CAMK1D: variants seen among roughly 807,000 people sequenced by gnomAD.
CAMK1D encodes calcium/calmodulin-dependent protein kinase type 1D.
CAMK1D carries 9 observed loss-of-function variants against 47.7 expected under a neutral mutation model. The ratio of observed to expected loss-of-function variants is 0.19; its 90% confidence interval spans 0.11 to 0.33. CAMK1D has a LOEUF of 0.33. Ranked by LOEUF, CAMK1D falls within the 10% of genes least tolerant of loss-of-function variation. The pLI is 1.00. For missense variants in CAMK1D, 291 were observed against 488.7 expected, an observed-to-expected ratio of 0.60 and a Z score of 3.81; for synonymous variants, 184 against 184.9, an observed-to-expected ratio of 0.99 and a Z score of 0.04.
At chr10:12,524,341 G>C (rs1165821497) in intron 1 of CAMK1D, among the ~76,000 whole-genome samples, 1 of 152,130 alleles carries the variant, frequency 6.6e-6, no homozygotes, top group African/African-American at 2.4e-5. Context: ...AAATCTAAAA[G>C]TCCTATAACC....
At position 12,401,175 on chromosome 10, in the gene CAMK1D, T is replaced by C. The variant is rs747691340; in HGVS notation, c.92+51265T>C. Among the ~76,000 whole-genome samples, 74 of 51,438 alleles carry C rather than the reference T, an allele frequency of 1.4e-3. 2 individuals carry two copies. The highest frequency in any genetic ancestry group is 4.8e-3 in the African/African-American group (55 of 11,356). 33.7% of individuals were successfully genotyped at this position (51,438 alleles called of 152,430 possible). On this transcript the variant is annotated intron_variant, in intron 1 of 10. Transcript: ENST00000619168. ...TTATATATATATAATATATGTATTA[T>C]ATATATTATATATATATTTTATATA... is the stretch of plus-strand genomic sequence containing the variant.
chr10:12,410,721 C>T (rs778431646), intron 1 of CAMK1D, among the ~76,000 whole-genome samples: 7 of 152,064 alleles, frequency 4.6e-5, no homozygotes, highest in East Asian at 1.9e-4. Context: ...GAATGACACA[C>T]GTTTAGCAGG....
At chr10:12,759,786 G>GT (rs1233699317) in intron 3 of CAMK1D, among the ~76,000 whole-genome samples, 1 of 152,128 alleles carries the variant, frequency 6.6e-6, no homozygotes, top group Non-Finnish European at 1.5e-5. Flanking sequence ...TGTTTGATTA[G>GT]TTTTTTTAAA....
chr10:12,422,649 G>C (rs1341249875), intron 1 of CAMK1D, among the ~76,000 whole-genome samples: 1 of 152,030 alleles, frequency 6.6e-6, no homozygotes, highest in Non-Finnish European at 1.5e-5. Context: ...GCTCTCTTTG[G>C]GAAATATGTG....
intron 2 of CAMK1D, among the ~76,000 whole-genome samples, chr10:12,658,751 G>A (rs115106340): frequency 0.015 from 2,224 of 152,164 alleles, 49 homozygotes; most frequent in African/African-American, 0.051. Context: ...GAGCCCAGCC[G>A]CTGGGCAGCA....
At chr10:12,418,248 CAT>C (rs938801347) in intron 1 of CAMK1D, among the ~76,000 whole-genome samples, 10 of 152,332 alleles carry the variant, frequency 6.6e-5, no homozygotes, top group South Asian at 2.1e-4. Flanking sequence ...GCCATCAAAA[CAT>C]ATGATTGCAA....
intron 3 of CAMK1D, among the ~76,000 whole-genome samples, chr10:12,692,976 G>A (rs920126914): frequency 2.0e-5 from 3 of 152,176 alleles, no homozygotes. Context: ...TAGGCTAGAT[G>A]CTGCTGTGAT....
chr10:12,828,746 C>G (rs748289880), intron 10 of CAMK1D, 23 bp from the exon 11 acceptor site: 9 of 1,581,792 alleles, frequency 5.7e-6, no homozygotes, highest in Middle Eastern at 1.7e-4. Context: ...AACTCTGAAG[C>G]CCACTTCTGC....
chr10:12,389,836 A>AT (rs112707574), intron 1 of CAMK1D, among the ~76,000 whole-genome samples: 20,801 of 147,194 alleles, frequency 0.14, 1,555 homozygotes, highest in South Asian at 0.2. Context: ...TTGTCATTTG[A>AT]TTTTTTTTTT....
At chr10:12,698,673 ATT>A (rs573723767) in intron 3 of CAMK1D, among the ~76,000 whole-genome samples, 4 of 103,900 alleles carry the variant, frequency 3.8e-5, no homozygotes, top group Admixed American at 1.2e-4. Flanking sequence ...CCTTTAAAGA[ATT>A]TTTTTTTTTT....
intron 1 of CAMK1D, among the ~76,000 whole-genome samples, chr10:12,426,936 A>T (rs189935627): frequency 1.3e-5 from 2 of 151,738 alleles, no homozygotes; most frequent in East Asian, 4.0e-4. Context: ...GTTGGTCTTG[A>T]TCTCCTGACT....
At chr10:12,721,712 G>A (rs1165561832) in intron 3 of CAMK1D, among the ~76,000 whole-genome samples, 19 of 152,168 alleles carry the variant, frequency 1.2e-4, no homozygotes, top group Middle Eastern at 3.2e-3. Context: ...CATGAACTAG[G>A]TGCCTCCAGA....
rs559394468 is a variant in CAMK1D, at chr10:12,521,470, A to AT, written c.93-31747dup. ...TTACAGTCAGATAACATACTTTGTG[A>AT]TTTTTTTTAATTTAAAGTTTGTTTT... On this transcript the variant is annotated intron_variant, in intron 1 of 10. Coordinates refer to ENST00000619168, the MANE Select transcript of CAMK1D (RefSeq NM_153498.4). 2.1e-3 allele frequency among the ~76,000 whole-genome samples: 325 copies of AT among 152,092 alleles called. 1 individual carries two copies. Among genetic ancestry groups the AT allele is most frequent in the African/African-American group, 5.7e-3 (238 of 41,486 alleles).
intron 1 of CAMK1D, among the ~76,000 whole-genome samples, chr10:12,481,177 A>G (rs1834054150): frequency 6.6e-6 from 1 of 152,128 alleles, no homozygotes; most frequent in Non-Finnish European, 1.5e-5. Context: ...AACTTCCCCA[A>G]TTACTCCTGT....
Position 12,427,711 on chromosome 10 carries a change from T to TTTTTTTGTTTTTG in CAMK1D, c.92+77807_92+77808insGTTTTTGTTTTTT, listed in dbSNP as rs1840294974. Reference sequence around the variant, plus strand: ...TCACTGAACTTACTGTTTTTTTTTTTTTTTTTTTTTTTTTGAGACGGAGTC... The same window carrying TTTTTTTGTTTTTG: ...TCACTGAACTTACTGTTTTTTTTTTTTTTTTTGTTTTTGTTTTTTTTTTTTTTGAGACGGAGTC... On this transcript the variant is annotated intron_variant, in intron 1 of 10. Coordinates refer to ENST00000619168, the MANE Select transcript of CAMK1D (RefSeq NM_153498.4). Among the ~76,000 whole-genome samples, 7 of 111,044 alleles carry TTTTTTTGTTTTTG rather than the reference T, an allele frequency of 6.3e-5. 1 individual carries two copies. Among genetic ancestry groups the TTTTTTTGTTTTTG allele is most frequent in the African/African-American group, 2.4e-4 (7 of 29,036 alleles). The allele number at this position is 111,044 out of a possible 152,430, so 72.8% of individuals were successfully genotyped here. A position where few individuals can be genotyped will look rare whatever the true frequency, so the allele number is the denominator to read the frequency against.
intron 1 of CAMK1D, among the ~76,000 whole-genome samples, chr10:12,485,052 CT>C (rs1345255800): frequency 6.6e-6 from 1 of 152,190 alleles, no homozygotes; most frequent in Non-Finnish European, 1.5e-5. Context: ...AGAGAGGAGG[CT>C]TTCGGGAAGG....
intron 2 of CAMK1D, among the ~76,000 whole-genome samples, chr10:12,647,145 CTTTTT>C (rs397693477): frequency 1.3e-5 from 1 of 76,780 alleles, no homozygotes; most frequent in Non-Finnish European, 2.5e-5. Context: ...CCAGGCTAGC[CTTTTT>C]TTTTTTTTTT....
intron 2 of CAMK1D, among the ~76,000 whole-genome samples, chr10:12,628,088 A>C (rs1839274804): frequency 7.3e-6 from 1 of 137,332 alleles, no homozygotes; most frequent in Non-Finnish European, 1.7e-5. Flanking sequence ...CTCAAAAAAA[A>C]ACAAAAAACA....
intron 1 of CAMK1D, among the ~76,000 whole-genome samples, chr10:12,402,237 T>C (rs550643840): frequency 5.2e-4 from 79 of 152,096 alleles, no homozygotes; most frequent in African/African-American, 1.9e-3. Context: ...CCACCGCGCC[T>C]GACTGCCATT....
Sources: allele counts gnomAD v4.1 joint callset (sites outside exome capture counted in the v4.1 genomes callset), GRCh38; gene constraint gnomAD v4.1.1; transcripts MANE v1.5; gene names NCBI Gene and HGNC (gene_info 2026-07-23, HGNC 2026-07-21).